The following EXOC2 variants were observed in gnomAD, a reference collection of about 807,000 sequenced individuals.
EXOC2 encodes the protein exocyst complex component 2.
A neutral mutation model predicts 131.8 loss-of-function variants in EXOC2; 70 were observed. The ratio of observed to expected loss-of-function variants is 0.53; its 90% CI spans 0.44 to 0.65. The LOEUF is 0.65. EXOC2 is among the 30% of genes least tolerant of loss of function. The pLI, the probability that EXOC2 is intolerant of heterozygous loss-of-function variation, is 0.00. For missense variants in EXOC2, 923 were observed against 1,108.6 expected (o/e 0.83, Z 2.38); for synonymous variants, 411 against 398.4 (o/e 1.03, Z -0.38).
At chr6:659,002 C>CAAACCATTTTTTATGACTGT (rs1763293193) in intron 1 of EXOC2, among the ~76,000 whole-genome samples, 1 of 152,096 alleles carries the variant, frequency 6.6e-6, no homozygotes, top group African/African-American at 2.4e-5. Context: ...CCCACTTATT[C>CAAACCATTTTTTATGACTGT]AAACCATTTT....
chr6:616,775 G>T (rs1339341372), intron 6 of EXOC2, among the ~76,000 whole-genome samples: 2 of 150,934 alleles, frequency 1.3e-5, no homozygotes, highest in Admixed American at 1.3e-4. Flanking sequence ...ATGGGGTCTC[G>T]CTCTGTCACC....
chr6:599,786 G>T (rs1157291259), intron 7 of EXOC2, among the ~76,000 whole-genome samples: 5 of 151,722 alleles, frequency 3.3e-5, no homozygotes, highest in Non-Finnish European at 7.4e-5. Flanking sequence ...AAATGTGAAG[G>T]CAGCATCATG....
At chr6:659,811 A>C (rs1303646750) in intron 1 of EXOC2, among the ~76,000 whole-genome samples, 5 of 152,150 alleles carry the variant, frequency 3.3e-5, no homozygotes, top group Admixed American at 6.5e-5. Flanking sequence ...GGAGAAGGAA[A>C]TCTCTAACTG....
intron 1 of EXOC2, chr6:669,084 C>T (rs1019002962): frequency 2.0e-5 from 3 of 152,374 alleles, no homozygotes; most frequent in Non-Finnish European, 4.4e-5. Flanking sequence ...TTACCACCTG[C>T]AACTGTCTGC....
chr6:500,709 C>T (rs1763998213), intron 23 of EXOC2, among the ~76,000 whole-genome samples: 1 of 152,096 alleles, frequency 6.6e-6, no homozygotes, highest in Admixed American at 6.5e-5. Flanking sequence ...CAGATGCCTT[C>T]TAGAGCTGCA....
chr6:499,719 A>G lies in EXOC2; in HGVS notation c.2381-19T>C. ...CTGACACCTGAAATTGAAATAAAGG[A>G]GAGAAAGAAGGCATTAATAATAACA... On this transcript the variant is annotated intron_variant, in intron 23 of 27. Transcript: ENST00000230449. 1 of 1,606,538 alleles carries G rather than the reference A, an allele frequency of 6.2e-7. No individual in the cohort carries two copies. Among genetic ancestry groups the G allele is most frequent in the Non-Finnish European group, 8.5e-7 (1 of 1,173,192 alleles).
chr6:564,505 A>G, intron 15 of EXOC2, 40 bp downstream of exon 15: 3 of 1,606,910 alleles, frequency 1.9e-6, no homozygotes, highest in Non-Finnish European at 2.5e-6. Context: ...GTTAAAAAAA[A>G]CAGAAGTACG....
At chr6:487,843 C>T (rs1300249102) in intron 27 of EXOC2, among the ~76,000 whole-genome samples, 2 of 152,156 alleles carry the variant, frequency 1.3e-5, no homozygotes, top group Non-Finnish European at 2.9e-5. Flanking sequence ...AGAATGCTAT[C>T]CCCACAGCAA....
At chr6:596,788 A>C (rs1411057667) in intron 10 of EXOC2, among the ~76,000 whole-genome samples, 1 of 152,186 alleles carries the variant, frequency 6.6e-6, no homozygotes, top group Non-Finnish European at 1.5e-5. Flanking sequence ...AAAACCATTA[A>C]ATTTGGAAAA....
Position 486,608 on chromosome 6 carries a change from A to G in EXOC2, c.*63T>C. The G allele has an allele frequency of 7.2e-7, 1 of 1,386,256 alleles. No homozygotes were observed. Among genetic ancestry groups the G allele is most frequent in the Admixed American group, 1.7e-5 (1 of 58,516 alleles). The allele number at this position is 1,386,256 out of a possible 1,614,324, so 85.9% of individuals were successfully genotyped here. A position where few individuals can be genotyped will look rare whatever the true frequency, so the allele number is the denominator to read the frequency against. ...TTAATACACCAAATACCTTTAGGGTACTTAGAGAGTGAACAGTCTTATTAC... is the reference window on the plus strand; with the variant it reads ...TTAATACACCAAATACCTTTAGGGTGCTTAGAGAGTGAACAGTCTTATTAC... On this transcript the variant is annotated 3_prime_UTR_variant, in exon 28 of 28. Transcript: ENST00000230449.
At chr6:546,683 T>C (rs1375706380) in intron 22 of EXOC2, among the ~76,000 whole-genome samples, 1 of 152,228 alleles carries the variant, frequency 6.6e-6, no homozygotes, top group Non-Finnish European at 1.5e-5. Context: ...TTATGAATAG[T>C]GTTAATATAT....
intron 27 of EXOC2, among the ~76,000 whole-genome samples, chr6:487,111 G>A (rs62390393): frequency 6.6e-6 from 1 of 152,058 alleles, no homozygotes; most frequent in South Asian, 2.1e-4. Flanking sequence ...TTTGTTAGAT[G>A]GTTCTATGAA....
intron 6 of EXOC2, among the ~76,000 whole-genome samples, chr6:616,611 A>AC (rs1761022286): frequency 6.6e-6 from 1 of 151,070 alleles, no homozygotes; most frequent in African/African-American, 2.4e-5. Flanking sequence ...TCAAAAAAAA[A>AC]AAAAAAAAAA....
rs567930381 is a variant in EXOC2 at position 673,610 on chromosome 6, C to A, written c.-44+19409G>T. 5.3e-5 allele frequency among the ~76,000 whole-genome samples: 8 copies of A among 152,232 alleles called. 1 individual carries two copies. The South Asian group carries it at 1.7e-3, about 32-fold the overall frequency. On this transcript the variant is annotated intron_variant, in intron 1 of 27. Coordinates refer to ENST00000230449, the MANE Select transcript of EXOC2 (RefSeq NM_018303.6). The stretch of plus-strand genomic sequence containing the variant: ...GAAGTACAGCATAATGCACCAAGGC[C>A]TCATTTACTAGATGCCATCGGCAAG...
intron 1 of EXOC2, among the ~76,000 whole-genome samples, chr6:649,355 A>G (rs900488478): frequency 1.3e-5 from 2 of 152,252 alleles, no homozygotes; most frequent in African/African-American, 2.4e-5. Context: ...GCAAATGGGC[A>G]AATAATAAAC....
chr6:614,208 G>A (rs1760862290), intron 6 of EXOC2, among the ~76,000 whole-genome samples: 1 of 151,988 alleles, frequency 6.6e-6, no homozygotes, highest in South Asian at 2.1e-4. Flanking sequence ...ATCTAACAAT[G>A]GAATTTACGG....
chr6:587,062 TA>T (rs1217059178), intron 11 of EXOC2, among the ~76,000 whole-genome samples: 2 of 152,150 alleles, frequency 1.3e-5, no homozygotes, highest in Admixed American at 1.3e-4. Flanking sequence ...ATATTATATA[TA>T]ATTAGGACAA....
chr6:515,568 C>A (rs1441083416), intron 23 of EXOC2, among the ~76,000 whole-genome samples: 3 of 152,050 alleles, frequency 2.0e-5, no homozygotes, highest in South Asian at 2.1e-4. Flanking sequence ...TGACAGGGCA[C>A]ACGGCAGTCC....
At chr6:596,245 T>C (rs1759812890) in intron 10 of EXOC2, among the ~76,000 whole-genome samples, 1 of 151,762 alleles carries the variant, frequency 6.6e-6, no homozygotes, top group South Asian at 2.1e-4. Flanking sequence ...ACTAGTGTGC[T>C]GCCAATGACG....
Sources: allele counts gnomAD v4.1 joint callset (sites outside exome capture counted in the v4.1 genomes callset), GRCh38; gene constraint gnomAD v4.1.1; transcripts MANE v1.5; gene names NCBI Gene and HGNC (gene_info 2026-07-23, HGNC 2026-07-21).